Variants in ATG3 observed in about 807,000 individuals in gnomAD.
ATG3 encodes the protein ubiquitin-like-conjugating enzyme ATG3.
ATG3 carries 25 observed loss-of-function variants against 50.7 expected under a neutral mutation model. That is an observed-to-expected ratio of 0.49 (90% CI 0.36 to 0.69). The LOEUF is 0.69. Among genes scored for constraint, ATG3 ranks in the 30% least tolerant of loss-of-function variants. ATG3 has a pLI of 0.00. For synonymous variants in ATG3, 119 were observed against 125.5 expected, an observed-to-expected ratio of 0.95 and a Z score of 0.34; for missense variants, 281 against 376.0, an observed-to-expected ratio of 0.75 and a Z score of 2.09.
chr3:112,541,043 G>A (rs1029421024), intron 7 of ATG3, among the ~76,000 whole-genome samples: 12 of 152,114 alleles, frequency 7.9e-5, no homozygotes, highest in Non-Finnish European at 1.2e-4. Context: ...GGCAACTCTA[G>A]GAGGAGGACT....
intron 5 of ATG3, among the ~76,000 whole-genome samples, chr3:112,548,182 T>C (rs969419253): frequency 2.0e-5 from 3 of 152,024 alleles, no homozygotes; most frequent in Admixed American, 2.0e-4. Context: ...TGAAACCCCA[T>C]CTCTACTAAA....
At chr3:112,560,582 A>G (rs528970608) in intron 1 of ATG3, among the ~76,000 whole-genome samples, 1 of 148,780 alleles carries the variant, frequency 6.7e-6, no homozygotes, top group Non-Finnish European at 1.5e-5. Context: ...AAACAACTAG[A>G]AAAAAAAAAC....
chr3:112,558,441 A>C, intron 1 of ATG3, 24 bp from the exon 2 acceptor site: 1 of 1,522,180 alleles, frequency 6.6e-7, no homozygotes, highest in East Asian at 2.3e-5. Flanking sequence ...AAAGAAAAAC[A>C]ATATTATATC....
intron 5 of ATG3, 23 bp from the exon 6 acceptor site, chr3:112,544,129 GAATAACT>G (rs758721533): frequency 6.4e-7 from 1 of 1,571,384 alleles, no homozygotes. Flanking sequence ...CGGCAGAAAA[GAATAACT>G]AAAATTAAAC....
Position 112,561,460 on chromosome 3 carries a change from GA to G in ATG3, c.68del (p.Leu23ProfsTer11), listed in dbSNP as rs749246167. 4.3e-6 allele frequency: 7 copies of G among 1,613,402 alleles called. No homozygotes were observed. Among genetic ancestry groups the G allele is most frequent in the African/African-American group, 4.0e-5 (3 of 74,930 alleles). On this transcript the variant is annotated frameshift_variant, in exon 1 of 12. Transcript: ENST00000283290. LOFTEE classifies it high-confidence loss of function. ...LEVAEYLTPV[L>X]KESKFKETGV... Reference sequence around the variant, plus strand: ...CGGCAACCCTGGCCTGGCTTACCTTGAGGACCGGGGTCAGGTACTCAGCCAC... The same window carrying G: ...CGGCAACCCTGGCCTGGCTTACCTTGGGACCGGGGTCAGGTACTCAGCCAC...
chr3:112,536,443 CA>C, intron 10 of ATG3, 31 bp downstream of exon 10: 3 of 1,602,542 alleles, frequency 1.9e-6, no homozygotes, highest in South Asian at 1.1e-5. Context: ...ACAATCACAT[CA>C]AAAAATATAT....
At chr3:112,558,497 T>C (rs767852630) in intron 1 of ATG3, 80 bp from the exon 2 acceptor site, 62 of 1,160,824 alleles carry the variant, frequency 5.3e-5, no homozygotes, top group Admixed American at 1.2e-4. Flanking sequence ...ATTATTTGCC[T>C]GGTGCCCTTC....
At chr3:112,541,353 C>A (rs1051285001) in intron 7 of ATG3, among the ~76,000 whole-genome samples, 2 of 151,670 alleles carry the variant, frequency 1.3e-5, no homozygotes, top group Non-Finnish European at 2.9e-5. Flanking sequence ...CACCACTGCA[C>A]TCCAGCCTGG....
intron 3 of ATG3, among the ~76,000 whole-genome samples, 163 bp from the exon 4 acceptor site, chr3:112,550,425 G>A (rs1438322877): frequency 2.0e-5 from 3 of 151,964 alleles, no homozygotes; most frequent in Admixed American, 6.6e-5. Flanking sequence ...TACATGTCAG[G>A]GCATGGAGAA....
intron 3 of ATG3, among the ~76,000 whole-genome samples, chr3:112,551,092 C>T (rs937144583): frequency 1.3e-5 from 2 of 152,172 alleles, no homozygotes; most frequent in Admixed American, 1.3e-4. Flanking sequence ...GGCACCTCTT[C>T]TTAAGAATTT....
chr3:112,538,074 T>C, intron 8 of ATG3, 72 bp downstream of exon 8: 2 of 1,288,574 alleles, frequency 1.6e-6, no homozygotes, highest in Non-Finnish European at 2.2e-6. Flanking sequence ...AAGATCAATA[T>C]ATTATTAGTA....
intron 4 of ATG3, among the ~76,000 whole-genome samples, chr3:112,549,184 G>C (rs960348263): frequency 1.3e-5 from 2 of 152,110 alleles, no homozygotes; most frequent in African/African-American, 2.4e-5. Flanking sequence ...TACCACACTA[G>C]TAAGTTGTTC....
chr3:112,557,926 A>G (rs1393700573), intron 2 of ATG3, among the ~76,000 whole-genome samples: 1 of 152,226 alleles, frequency 6.6e-6, no homozygotes, highest in Non-Finnish European at 1.5e-5. Context: ...TTTTTAGCCC[A>G]GTATTTACTT....
At position 112,561,641 on chromosome 3, in the gene ATG3, T is replaced by A. The variant is rs1487881421; in HGVS notation, c.-113A>T. ...CCACCGACTCGCATCAGCACCCGGC[T>A]GGCAGCACCCGAGGGGACGGGACGC... On this transcript the variant is annotated 5_prime_UTR_variant, in exon 1 of 12. Coordinates refer to ENST00000283290, the MANE Select transcript of ATG3 (RefSeq NM_022488.5). The A allele has an allele frequency of 9.2e-7, 1 of 1,087,900 alleles. No homozygotes were observed. Among genetic ancestry groups the A allele is most frequent in the Non-Finnish European group, 1.3e-6 (1 of 760,534 alleles). 67.4% of individuals were successfully genotyped at this position (1,087,900 alleles called of 1,614,324 possible).
chr3:112,541,957 C>T, intron 6 of ATG3, 73 bp from the exon 7 acceptor site: 2 of 1,203,180 alleles, frequency 1.7e-6, no homozygotes, highest in Non-Finnish European at 2.4e-6. Flanking sequence ...CATGTGCTAG[C>T]ACAGTGGTAA....
chr3:112,556,751 T>C (rs1227601394), intron 2 of ATG3, among the ~76,000 whole-genome samples: 1 of 151,982 alleles, frequency 6.6e-6, no homozygotes, highest in Non-Finnish European at 1.5e-5. Flanking sequence ...CTCTGAAACA[T>C]GTGCTGTGTC....
intron 3 of ATG3, among the ~76,000 whole-genome samples, chr3:112,551,159 T>C (rs1933515612): frequency 1.3e-5 from 2 of 152,290 alleles, no homozygotes; most frequent in East Asian, 3.9e-4. Context: ...TTCACAAACA[T>C]ATGGCCATAA....
At chr3:112,554,864 T>C (rs1385552931) in intron 2 of ATG3, among the ~76,000 whole-genome samples, 1 of 152,216 alleles carries the variant, frequency 6.6e-6, no homozygotes, top group Non-Finnish European at 1.5e-5. Context: ...ACTGGATTCC[T>C]GATAGAAACT....
rs558307665 is a variant in ATG3 at position 112,549,537 on chromosome 3, G to A, written c.235+655C>T. 6.3e-4 allele frequency among the ~76,000 whole-genome samples: 96 copies of A among 151,894 alleles called. 1 individual carries two copies. Among genetic ancestry groups the A allele is most frequent in the African/African-American group, 2.1e-3 (87 of 41,414 alleles). On this transcript the variant is annotated intron_variant, in intron 4 of 11. Coordinates refer to ENST00000283290, the MANE Select transcript of ATG3 (RefSeq NM_022488.5). ...AACACTACCTGTTTCAGCCAGGCGC[G>A]GTGGCTCACACCTGTAATCCCAGCA... is the stretch of plus-strand genomic sequence containing the variant.
Sources: allele counts gnomAD v4.1 joint callset (sites outside exome capture counted in the v4.1 genomes callset), GRCh38; gene constraint gnomAD v4.1.1; transcripts MANE v1.5; gene names NCBI Gene and HGNC (gene_info 2026-07-23, HGNC 2026-07-21).